SLC24A2: variants seen among roughly 807,000 people sequenced by gnomAD.
SLC24A2 encodes the protein solute carrier family 24 member 2.
In SLC24A2, 36 loss-of-function variants were observed where a neutral mutation model predicts 62.0. The observed-to-expected ratio is 0.58, with a 90% CI of 0.44 to 0.77. SLC24A2 has a LOEUF of 0.77. Ranked by LOEUF, SLC24A2 falls within the 30% of genes least tolerant of loss-of-function variation. SLC24A2 has a pLI of 0.00. For missense variants in SLC24A2, 846 were observed against 817.9 expected, an observed-to-expected ratio of 1.03 and a Z score of -0.42; for synonymous variants, 358 against 294.0, an observed-to-expected ratio of 1.22 and a Z score of -2.23.
chr9:20,105,946 G>T, the SLC24A2 span, among the ~76,000 whole-genome samples: 1 of 152,004 alleles, frequency 6.6e-6, no homozygotes, highest in African/African-American at 2.4e-5. Flanking sequence ...TTGATAAACC[G>T]CTGGCAAGAC....
chr9:19,835,955 A>C, the SLC24A2 span, among the ~76,000 whole-genome samples: 2 of 152,218 alleles, frequency 1.3e-5, no homozygotes, highest in Non-Finnish European at 2.9e-5. Flanking sequence ...TGGAAACTGA[A>C]CAACCTGCTC....
the SLC24A2 span, among the ~76,000 whole-genome samples, chr9:20,181,015 C>A: frequency 6.6e-6 from 1 of 152,100 alleles, no homozygotes; most frequent in Non-Finnish European, 1.5e-5. Context: ...CTCCTGCCAC[C>A]TTCAGCACAT....
At chr9:19,547,106 A>C (rs1834618484) in intron 8 of SLC24A2, among the ~76,000 whole-genome samples, 2 of 152,208 alleles carry the variant, frequency 1.3e-5, no homozygotes, top group Admixed American at 1.3e-4. Flanking sequence ...TATGTCTCTT[A>C]AGCACTGGCC....
chr9:19,739,008 T>C (rs1292063433), intron 2 of SLC24A2, among the ~76,000 whole-genome samples: 2 of 152,036 alleles, frequency 1.3e-5, no homozygotes, highest in African/African-American at 4.8e-5. Context: ...TCCCAGCTAC[T>C]CATGAGGCTG....
chr9:19,651,099 T>C (rs1818788718), intron 2 of SLC24A2, among the ~76,000 whole-genome samples: 1 of 152,120 alleles, frequency 6.6e-6, no homozygotes, highest in South Asian at 2.1e-4. Flanking sequence ...CTAATAGTAT[T>C]AGGTAGCACA....
chr9:19,866,890 G>A, the SLC24A2 span, among the ~76,000 whole-genome samples: 2 of 152,136 alleles, frequency 1.3e-5, no homozygotes, highest in South Asian at 4.2e-4. Flanking sequence ...ATAGAGAGTA[G>A]AAGGCTGATT....
the SLC24A2 span, among the ~76,000 whole-genome samples, chr9:19,896,750 G>A: frequency 6.6e-6 from 1 of 152,134 alleles, no homozygotes; most frequent in South Asian, 2.1e-4. Context: ...TAACTGGATG[G>A]CATTACAGGT....
At chr9:20,133,203 T>C in the SLC24A2 span, among the ~76,000 whole-genome samples, 1 of 152,052 alleles carries the variant, frequency 6.6e-6, no homozygotes, top group South Asian at 2.1e-4. Flanking sequence ...GCCAATTCCT[T>C]GTAATAAATC....
At chr9:19,758,400 G>C (rs542657796) in intron 2 of SLC24A2, among the ~76,000 whole-genome samples, 75 of 151,480 alleles carry the variant, frequency 5.0e-4, no homozygotes, top group Admixed American at 8.6e-4. Flanking sequence ...TAGGACGTCA[G>C]CCCTTCTCTG....
the SLC24A2 span, among the ~76,000 whole-genome samples, chr9:20,124,779 C>T: frequency 6.6e-6 from 1 of 152,214 alleles, no homozygotes; most frequent in Admixed American, 6.5e-5. Flanking sequence ...TCTGGCAACA[C>T]ATCTGCTTAT....
the SLC24A2 span, among the ~76,000 whole-genome samples, chr9:20,273,641 T>C: frequency 2.0e-5 from 3 of 152,296 alleles, no homozygotes; most frequent in South Asian, 6.2e-4. Flanking sequence ...CCTTCCACCA[T>C]GATTGTGAGG....
At chr9:19,788,799 C>G in intron 1 of SLC24A2, 86 bp downstream of exon 1, 1 of 985,458 alleles carries the variant, frequency 1.0e-6, no homozygotes, top group Non-Finnish European at 1.2e-6. Context: ...GCCTGCAGAG[C>G]AGCAACGGGA....
At chr9:19,547,202 C>CT (rs1177185552) in intron 8 of SLC24A2, among the ~76,000 whole-genome samples, 4 of 152,134 alleles carry the variant, frequency 2.6e-5, no homozygotes, top group African/African-American at 9.7e-5. Context: ...TCCTAAGAGT[C>CT]TTATTTCTGC....
chr9:20,267,929 A>G, the SLC24A2 span, among the ~76,000 whole-genome samples: 1 of 151,842 alleles, frequency 6.6e-6, no homozygotes, highest in Non-Finnish European at 1.5e-5. Context: ...AGGGCCCTCA[A>G]CCCTCTCTCA....
At chr9:19,704,101 T>C (rs192461158) in intron 2 of SLC24A2, among the ~76,000 whole-genome samples, 2 of 152,158 alleles carry the variant, frequency 1.3e-5, no homozygotes, top group Admixed American at 1.3e-4. Context: ...CCTTTGCTAC[T>C]AAAACGTGAT....
At chr9:19,516,546 G>C in intron 10 of SLC24A2, 144 bp from the exon 11 acceptor site, 1 of 1,010,066 alleles carries the variant, frequency 9.9e-7, no homozygotes, top group Non-Finnish European at 1.5e-6. Flanking sequence ...CTATGACTCG[G>C]GCATGGTTGG....
chr9:20,182,736 A>G, the SLC24A2 span, among the ~76,000 whole-genome samples: 4 of 152,202 alleles, frequency 2.6e-5, no homozygotes, highest in African/African-American at 9.6e-5. Flanking sequence ...TACCTACGTA[A>G]CAAACCTACA....
At chr9:19,761,804 G>A (rs34994936) in intron 2 of SLC24A2, among the ~76,000 whole-genome samples, 8 of 152,124 alleles carry the variant, frequency 5.3e-5, no homozygotes, top group Non-Finnish European at 1.2e-4. Flanking sequence ...CTACAAAGGA[G>A]ATGAACTCAT....
At chr9:20,245,042 C>T in the SLC24A2 span, among the ~76,000 whole-genome samples, 6 of 151,964 alleles carry the variant, frequency 3.9e-5, no homozygotes, top group East Asian at 1.9e-4. Context: ...GGTTTTTTAG[C>T]GGACATGAGA....
Sources: allele counts gnomAD v4.1 joint callset (sites outside exome capture counted in the v4.1 genomes callset), GRCh38; gene constraint gnomAD v4.1.1; transcripts MANE v1.5; gene names NCBI Gene and HGNC (gene_info 2026-07-23, HGNC 2026-07-21).